Variants in DARS2 observed in about 807,000 individuals in gnomAD.
The protein encoded by DARS2 is aspartyl-tRNA synthetase 2, mitochondrial.
In DARS2, 63 loss-of-function variants were observed where a neutral mutation model predicts 83.0. That is an observed-to-expected ratio of 0.76 (90% CI 0.62 to 0.94). The LOEUF is 0.94. DARS2 is among the 40% of genes least tolerant of loss of function. DARS2 has a pLI of 0.00. For missense variants in DARS2, 675 were observed against 774.4 expected, an observed-to-expected ratio of 0.87 and a Z score of 1.52; for synonymous variants, 250 against 269.3, an observed-to-expected ratio of 0.93 and a Z score of 0.70.
At chr1:173,856,522 T>C in intron 15 of DARS2, 144 bp from the exon 16 acceptor site, 1 of 704,524 alleles carries the variant, frequency 1.4e-6, no homozygotes, top group Non-Finnish European at 2.4e-6. Flanking sequence ...CTTTACACTT[T>C]TCCAATAAAC....
intron 15 of DARS2, among the ~76,000 whole-genome samples, chr1:173,854,182 G>A (rs1653781540): frequency 6.6e-6 from 1 of 151,908 alleles, no homozygotes; most frequent in Non-Finnish European, 1.5e-5. Context: ...TCCCTATGTT[G>A]CTCACACTGC....
intron 15 of DARS2, among the ~76,000 whole-genome samples, chr1:173,856,283 C>A (rs1174824712): frequency 1.3e-5 from 2 of 152,204 alleles, no homozygotes; most frequent in Non-Finnish European, 2.9e-5. Flanking sequence ...TTCCTCCCGG[C>A]AGCATTTGAC....
At chr1:173,857,390 A>C in intron 16 of DARS2, 128 bp from the exon 17 acceptor site, 1 of 894,134 alleles carries the variant, frequency 1.1e-6, no homozygotes, top group Admixed American at 2.2e-5. Flanking sequence ...AAAGGTAGGG[A>C]ACGATGGTTG....
chr1:173,828,207 AATTATC>A, intron 2 of DARS2, 120 bp from the exon 3 acceptor site: 1 of 937,100 alleles, frequency 1.1e-6, no homozygotes, highest in East Asian at 2.7e-5. Flanking sequence ...GAAAAATTAT[AATTATC>A]ATAAAAAAGA....
chr1:173,853,222 A>C, intron 13 of DARS2, 127 bp from the exon 14 acceptor site: 1 of 889,832 alleles, frequency 1.1e-6, no homozygotes, highest in Non-Finnish European at 1.9e-6. Context: ...TGAGAAGCAA[A>C]GGGCATCCTA....
chr1:173,851,746 GT>G (rs1346157076), intron 13 of DARS2: 1 of 722,162 alleles, frequency 1.4e-6, no homozygotes, highest in African/African-American at 1.9e-5. Flanking sequence ...TTAGTATATA[GT>G]TTTTTCAAAA....
At chr1:173,850,187 G>T (rs370845694) in intron 12 of DARS2, 140 bp from the exon 13 acceptor site, 6 of 981,506 alleles carry the variant, frequency 6.1e-6, no homozygotes, top group African/African-American at 3.3e-5. Flanking sequence ...ATTTTGAATG[G>T]GTTCATGGAG....
chr1:173,849,740 T>G (rs1292681501), intron 12 of DARS2, among the ~76,000 whole-genome samples: 7 of 152,116 alleles, frequency 4.6e-5, no homozygotes, highest in African/African-American at 1.4e-4. Context: ...GCACCTTGCT[T>G]CTTTAATCAT....
intron 4 of DARS2, 52 bp downstream of exon 4, chr1:173,830,813 C>A (rs1431930248): frequency 7.5e-7 from 1 of 1,336,936 alleles, no homozygotes. Context: ...GCATTTGCAC[C>A]ATCTGTGTAC....
intron 2 of DARS2, among the ~76,000 whole-genome samples, chr1:173,827,184 T>C (rs1652614477): frequency 6.6e-6 from 1 of 152,192 alleles, no homozygotes. Flanking sequence ...TCTTATTCCA[T>C]GTAGGTAGAG....
intron 16 of DARS2, 36 bp from the exon 17 acceptor site, chr1:173,857,482 C>A: frequency 6.3e-7 from 1 of 1,588,834 alleles, no homozygotes; most frequent in Non-Finnish European, 8.6e-7. Context: ...CATTAGATTA[C>A]ATTTCTCATC....
At chr1:173,835,302 G>C (rs2102643786) in intron 7 of DARS2, among the ~76,000 whole-genome samples, 1 of 151,374 alleles carries the variant, frequency 6.6e-6, no homozygotes, top group African/African-American at 2.4e-5. Flanking sequence ...TGTTGGCCCA[G>C]CTGGTCTCGA....
At chr1:173,831,278 C>T (rs1361524376) in intron 4 of DARS2, among the ~76,000 whole-genome samples, 1 of 149,908 alleles carries the variant, frequency 6.7e-6, no homozygotes, top group East Asian at 2.0e-4. Context: ...AACTCCTGGG[C>T]TTAAGTGATC....
intron 7 of DARS2, 125 bp from the exon 8 acceptor site, chr1:173,836,815 A>G (rs1470542341): frequency 3.7e-6 from 3 of 807,616 alleles, no homozygotes; most frequent in South Asian, 1.4e-5. Context: ...CTGTCATTGT[A>G]GGAACTTTGT....
At chr1:173,841,135 G>C (rs1653187291) in intron 11 of DARS2, among the ~76,000 whole-genome samples, 162 bp downstream of exon 11, 1 of 152,120 alleles carries the variant, frequency 6.6e-6, no homozygotes, top group South Asian at 2.1e-4. Flanking sequence ...AGCACTTTGG[G>C]AGGCCGAGGC....
intron 9 of DARS2, among the ~76,000 whole-genome samples, chr1:173,838,690 C>T (rs200799928): frequency 2.0e-5 from 3 of 151,784 alleles, no homozygotes; most frequent in Non-Finnish European, 4.4e-5. Flanking sequence ...AAAGCTGTTA[C>T]GATTTGCTTT....
chr1:173,845,456 T>G (rs1464047088), intron 12 of DARS2, among the ~76,000 whole-genome samples, 165 bp downstream of exon 12: 2 of 152,182 alleles, frequency 1.3e-5, no homozygotes, highest in Non-Finnish European at 2.9e-5. Context: ...TTTGAAGATG[T>G]AGTCTTATTC....
At chr1:173,847,721 C>CT (rs977874151) in intron 12 of DARS2, among the ~76,000 whole-genome samples, 3 of 150,850 alleles carry the variant, frequency 2.0e-5, no homozygotes, top group Non-Finnish European at 3.0e-5. Flanking sequence ...TCTCTACATA[C>CT]TTTTTTTTTC....
chr1:173,845,454 T>A (rs1265030064), intron 12 of DARS2, among the ~76,000 whole-genome samples, 163 bp downstream of exon 12: 2 of 152,176 alleles, frequency 1.3e-5, no homozygotes, highest in Non-Finnish European at 2.9e-5. Flanking sequence ...ATTTTGAAGA[T>A]GTAGTCTTAT....
Sources: allele counts gnomAD v4.1 joint callset (sites outside exome capture counted in the v4.1 genomes callset), GRCh38; gene constraint gnomAD v4.1.1; transcripts MANE v1.5; gene names NCBI Gene and HGNC (gene_info 2026-07-23, HGNC 2026-07-21).